CNTN6: variants seen among roughly 807,000 people sequenced by gnomAD.
CNTN6 encodes the protein contactin-6.
In CNTN6, 137 loss-of-function variants were observed where a neutral mutation model predicts 122.8. The ratio of observed to expected loss-of-function variants is 1.12; its 90% CI spans 0.97 to 1.29. The LOEUF is 1.29. Among genes scored for constraint, CNTN6 ranks in the 50% most tolerant of loss-of-function variants. The pLI is 0.00. For synonymous variants in CNTN6, 570 were observed against 426.0 expected (o/e 1.34, Z -4.16); for missense variants, 1,634 against 1,223.4 (o/e 1.34, Z -5.01).
At chr3:1,258,679 C>T (rs2094797983) in intron 4 of CNTN6, among the ~76,000 whole-genome samples, 1 of 152,112 alleles carries the variant, frequency 6.6e-6, no homozygotes, top group Non-Finnish European at 1.5e-5. Flanking sequence ...CTCCTCGTGT[C>T]ACCTTTTTAA....
At chr3:1,249,536 G>T (rs1000716092) in intron 4 of CNTN6, among the ~76,000 whole-genome samples, 1 of 152,194 alleles carries the variant, frequency 6.6e-6, no homozygotes, top group Non-Finnish European at 1.5e-5. Flanking sequence ...CTCCTAGGCA[G>T]TGTTTCTACT....
Position 1,403,929 on chromosome 3 carries a change from C to A in CNTN6, c.*511C>A, listed in dbSNP as rs1423743356. The A allele has an allele frequency of 1.3e-5, 2 of 152,114 alleles. No homozygotes were observed. Among genetic ancestry groups the A allele is most frequent in the Non-Finnish European group, 2.9e-5 (2 of 68,008 alleles). The allele number at this position is 152,114 out of a possible 1,614,324, so 9.4% of individuals were successfully genotyped here. On this transcript the variant is annotated 3_prime_UTR_variant, in exon 23 of 23. Coordinates refer to ENST00000446702, the MANE Select transcript of CNTN6 (RefSeq NM_001289080.2). ...TCTGAATCAAGTTGGAATAAGAAAT[C>A]TTTTTACTCAAGAATATTTCAATAT...
Position 1,374,178 on chromosome 3 carries a change from T to C in CNTN6, c.2095+105T>C, listed in dbSNP as rs529266545. ...TCTTCTAATACTTTTGGCTCAAAAT[T>C]GTTTGGCAGTAAACGAGTGGCTCTC... On this transcript the variant is annotated intron_variant, in intron 16 of 22. Coordinates refer to ENST00000446702, the MANE Select transcript of CNTN6 (RefSeq NM_001289080.2). 4.8e-5 allele frequency: 58 copies of C among 1,202,798 alleles called. No homozygotes were observed. The East Asian group carries it at 1.5e-3, about 31-fold the overall frequency. The allele number at this position is 1,202,798 out of a possible 1,614,324, so 74.5% of individuals were successfully genotyped here. A position where few individuals can be genotyped will look rare whatever the true frequency, so the allele number is the denominator to read the frequency against.
intron 2 of CNTN6, among the ~76,000 whole-genome samples, chr3:1,151,513 G>T (rs1306104427): frequency 6.6e-6 from 1 of 152,122 alleles, no homozygotes; most frequent in Non-Finnish European, 1.5e-5. Context: ...TCTGGTTTAT[G>T]CTTTACTGAT....
chr3:1,252,242 C>A (rs550989989), intron 4 of CNTN6, among the ~76,000 whole-genome samples: 115 of 152,274 alleles, frequency 7.6e-4, no homozygotes, highest in Middle Eastern at 3.4e-3. Context: ...CTACATCCAA[C>A]TGTGGGAAGA....
chr3:1,280,755 G>A (rs1411408419), intron 5 of CNTN6, among the ~76,000 whole-genome samples: 13 of 151,836 alleles, frequency 8.6e-5, no homozygotes, highest in Admixed American at 4.6e-4. Flanking sequence ...ATGAGTCACC[G>A]CACCTGGTCC....
At chr3:1,133,502 G>C (rs938143293) in intron 1 of CNTN6, among the ~76,000 whole-genome samples, 2 of 152,184 alleles carry the variant, frequency 1.3e-5, no homozygotes, top group Non-Finnish European at 2.9e-5. Context: ...AGGCACAGAA[G>C]AGTTAAGTAA....
chr3:1,245,409 CTAT>C (rs2094569414), intron 4 of CNTN6, among the ~76,000 whole-genome samples: 2 of 135,894 alleles, frequency 1.5e-5, no homozygotes, highest in Non-Finnish European at 3.1e-5. Context: ...GAATTGGAGA[CTAT>C]TATTGTAAGT....
intron 9 of CNTN6, among the ~76,000 whole-genome samples, chr3:1,326,371 A>C (rs1396096877): frequency 6.6e-6 from 1 of 151,858 alleles, no homozygotes; most frequent in Middle Eastern, 3.2e-3. Context: ...GTAAATGAAG[A>C]AAATGAGTTT....
At chr3:1,094,210 C>T (rs2090395374) in intron 1 of CNTN6, among the ~76,000 whole-genome samples, 1 of 152,086 alleles carries the variant, frequency 6.6e-6, no homozygotes, top group Admixed American at 6.5e-5. Flanking sequence ...TTGAAGGTTT[C>T]ACCAATTTAT....
intron 2 of CNTN6, among the ~76,000 whole-genome samples, chr3:1,182,709 G>T (rs1266633064): frequency 6.6e-6 from 1 of 151,756 alleles, no homozygotes; most frequent in East Asian, 1.9e-4. Context: ...ACAGAAAATT[G>T]ATGAAACATG....
At chr3:1,216,071 T>G (rs2094126362) in intron 2 of CNTN6, among the ~76,000 whole-genome samples, 1 of 152,204 alleles carries the variant, frequency 6.6e-6, no homozygotes, top group South Asian at 2.1e-4. Context: ...CTTCAGAGGC[T>G]TCACCCCTGA....
chr3:1,292,012 C>T (rs944276993), intron 5 of CNTN6, among the ~76,000 whole-genome samples: 3 of 151,972 alleles, frequency 2.0e-5, no homozygotes, highest in Non-Finnish European at 1.5e-5. Flanking sequence ...AGGTTTAACC[C>T]CCATCCATCG....
intron 2 of CNTN6, among the ~76,000 whole-genome samples, chr3:1,189,163 T>C (rs1276419808): frequency 2.0e-5 from 3 of 152,308 alleles, no homozygotes; most frequent in Admixed American, 2.0e-4. Flanking sequence ...ATATCCGCCT[T>C]ACAATTTCAG....
chr3:1,132,617 A>G (rs989919541), intron 1 of CNTN6, among the ~76,000 whole-genome samples: 17 of 151,706 alleles, frequency 1.1e-4, no homozygotes, highest in African/African-American at 4.1e-4. Context: ...TGATCCCACT[A>G]CTGCATTCCA....
At chr3:1,177,081 C>G (rs1480571316) in intron 2 of CNTN6, among the ~76,000 whole-genome samples, 1 of 152,136 alleles carries the variant, frequency 6.6e-6, no homozygotes, top group Non-Finnish European at 1.5e-5. Context: ...CCTGAGGAAA[C>G]AATCACAAAG....
Position 1,263,005 on chromosome 3 carries a change from G to A in CNTN6, c.359-15408G>A, listed in dbSNP as rs147958595. Among the ~76,000 whole-genome samples the A allele has an allele frequency of 3.0e-3, 459 of 152,114 alleles. 1 individual carries two copies. Among genetic ancestry groups the A allele is most frequent in the African/African-American group, 0.01 (424 of 41,502 alleles). Reference sequence around the variant, plus strand: ...CTCCAAGTCTTTGTAAGAGTTATAAGTTATTTAGGGCCATTTGACATGTAG... The same window carrying A: ...CTCCAAGTCTTTGTAAGAGTTATAAATTATTTAGGGCCATTTGACATGTAG... On this transcript the variant is annotated intron_variant, in intron 4 of 22. Coordinates refer to ENST00000446702, the MANE Select transcript of CNTN6 (RefSeq NM_001289080.2).
At chr3:1,150,108 C>G (rs913001334) in intron 2 of CNTN6, among the ~76,000 whole-genome samples, 3 of 152,016 alleles carry the variant, frequency 2.0e-5, no homozygotes, top group Non-Finnish European at 2.9e-5. Context: ...AAACATTGCT[C>G]CAGAGGTAAG....
intron 12 of CNTN6, among the ~76,000 whole-genome samples, chr3:1,360,354 A>G (rs1229226526): frequency 1.3e-5 from 2 of 152,076 alleles, no homozygotes; most frequent in East Asian, 3.9e-4. Flanking sequence ...TCTGTTATCA[A>G]CTATTACACT....
Sources: gnomAD v4.1 joint callset for allele counts (sites outside exome capture counted in the v4.1 genomes callset) on GRCh38, gnomAD v4.1.1 for gene constraint, MANE v1.5 for transcripts, NCBI Gene and HGNC (gene_info 2026-07-23, HGNC 2026-07-21) for gene names.